The following MACROD2 variants were observed in gnomAD, a reference collection of about 807,000 sequenced individuals.
The protein encoded by MACROD2 is mono-ADP ribosylhydrolase 2.
MACROD2 carries 36 observed loss-of-function variants against 70.4 expected under a neutral mutation model. The ratio of observed to expected loss-of-function variants is 0.51; its 90% CI spans 0.39 to 0.68. The LOEUF (loss-of-function observed/expected upper bound fraction) is 0.68. Ranked by LOEUF, MACROD2 falls within the 30% of genes least tolerant of loss-of-function variation. The pLI is 0.00. For synonymous variants in MACROD2, 172 were observed against 178.8 expected, an observed-to-expected ratio of 0.96 and a Z score of 0.30; for missense variants, 496 against 538.4, an observed-to-expected ratio of 0.92 and a Z score of 0.78.
chr20:15,259,477 A>C (rs564761423), intron 6 of MACROD2, among the ~76,000 whole-genome samples: 40 of 152,158 alleles, frequency 2.6e-4, no homozygotes, highest in African/African-American at 9.2e-4. Flanking sequence ...TATGAGAGAC[A>C]TTACTTTATA....
At chr20:15,596,077 T>C (rs983225999) in intron 8 of MACROD2, among the ~76,000 whole-genome samples, 6 of 152,242 alleles carry the variant, frequency 3.9e-5, no homozygotes, top group Non-Finnish European at 8.8e-5. Context: ...AGAACCATGA[T>C]ACATGTACCC....
chr20:15,781,220 T>C (rs1333437845), intron 8 of MACROD2, among the ~76,000 whole-genome samples: 1 of 152,132 alleles, frequency 6.6e-6, no homozygotes, highest in African/African-American at 2.4e-5. Context: ...CACAGCTGTA[T>C]AGCAATTGCT....
intron 3 of MACROD2, among the ~76,000 whole-genome samples, chr20:14,281,758 A>C (rs1028921368): frequency 4.6e-5 from 7 of 151,934 alleles, no homozygotes; most frequent in African/African-American, 1.7e-4. Flanking sequence ...AAAATGGTGA[A>C]ACCCTGTCTC....
chr20:15,227,828 T>TTTTTG (rs1291949672), intron 5 of MACROD2, among the ~76,000 whole-genome samples: 3 of 113,108 alleles, frequency 2.7e-5, no homozygotes, highest in Non-Finnish European at 5.7e-5. Context: ...CACCTGTTTT[T>TTTTTG]TTTTTTTTTT....
chr20:15,214,270 G>A (rs1285593443), intron 5 of MACROD2, among the ~76,000 whole-genome samples: 4 of 152,138 alleles, frequency 2.6e-5, no homozygotes, highest in African/African-American at 9.7e-5. Flanking sequence ...AGCAACTGCT[G>A]AGGTTTGGCA....
intron 3 of MACROD2, among the ~76,000 whole-genome samples, chr20:14,310,980 G>T (rs1405460551): frequency 6.6e-6 from 1 of 152,174 alleles, no homozygotes; most frequent in Non-Finnish European, 1.5e-5. Flanking sequence ...AAGTCAAAAT[G>T]TTGAAAAAAT....
chr20:16,002,304 C>T (rs2066720432), intron 15 of MACROD2, among the ~76,000 whole-genome samples: 1 of 152,068 alleles, frequency 6.6e-6, no homozygotes, highest in African/African-American at 2.4e-5. Flanking sequence ...GAACAATGGT[C>T]CCCCAAAGGT....
chr20:15,021,125 T>TGC lies in MACROD2; in HGVS notation c.419-208814_419-208813insCG, dbSNP rs1475969151. On this transcript the variant is annotated intron_variant, in intron 5 of 17. Transcript: ENST00000684519. ...ATACACGTGTATGTGTATACACGTG[T>TGC]GTATACACATACGTGTGTGTATACA... is the stretch of plus-strand genomic sequence containing the variant. 2.1e-5 allele frequency among the ~76,000 whole-genome samples: 2 copies of TGC among 96,530 alleles called. 1 individual carries two copies. Among genetic ancestry groups the TGC allele is most frequent in the East Asian group, 4.9e-4 (2 of 4,088 alleles). 63.3% of individuals were successfully genotyped at this position (96,530 alleles called of 152,430 possible).
chr20:15,848,596 T>C (rs1359388170), intron 8 of MACROD2, among the ~76,000 whole-genome samples: 2 of 152,178 alleles, frequency 1.3e-5, no homozygotes, highest in Admixed American at 1.3e-4. Context: ...AAGCACTTAA[T>C]TAATTGATAA....
At chr20:14,653,977 T>G (rs1164553743) in intron 4 of MACROD2, among the ~76,000 whole-genome samples, 1 of 152,130 alleles carries the variant, frequency 6.6e-6, no homozygotes, top group African/African-American at 2.4e-5. Context: ...CATTTCTTTG[T>G]CCCCTTCTAG....
chr20:14,729,049 A>G (rs1478774627), intron 5 of MACROD2, among the ~76,000 whole-genome samples: 1 of 152,138 alleles, frequency 6.6e-6, no homozygotes, highest in African/African-American at 2.4e-5. Context: ...AGGATTTTCT[A>G]ATGAAAATAG....
intron 2 of MACROD2, among the ~76,000 whole-genome samples, chr20:14,036,577 A>T (rs573799695): frequency 5.3e-5 from 8 of 152,340 alleles, no homozygotes; most frequent in South Asian, 2.1e-4. Flanking sequence ...TACAAAGGTA[A>T]CTTTGCCTTT....
intron 5 of MACROD2, among the ~76,000 whole-genome samples, chr20:15,086,300 C>T (rs1240177144): frequency 1.3e-5 from 2 of 152,148 alleles, no homozygotes; most frequent in Non-Finnish European, 2.9e-5. Flanking sequence ...ATTGAATACA[C>T]ACTATGTATG....
intron 5 of MACROD2, among the ~76,000 whole-genome samples, chr20:14,857,735 T>A (rs1368335028): frequency 6.6e-6 from 1 of 152,188 alleles, no homozygotes; most frequent in Non-Finnish European, 1.5e-5. Context: ...TTAAGTTCAA[T>A]AAAATTAAAC....
chr20:14,986,477 A>G (rs1039710125), intron 5 of MACROD2, among the ~76,000 whole-genome samples: 1 of 152,134 alleles, frequency 6.6e-6, no homozygotes, highest in East Asian at 1.9e-4. Context: ...TTCAAATCAC[A>G]TATTAGCCAA....
At chr20:14,162,620 AC>A (rs1200377677) in intron 3 of MACROD2, among the ~76,000 whole-genome samples, 3 of 151,760 alleles carry the variant, frequency 2.0e-5, no homozygotes, top group Admixed American at 6.6e-5. Context: ...TATAATGATG[AC>A]CTTTTTTTTT....
intron 5 of MACROD2, among the ~76,000 whole-genome samples, chr20:14,745,468 A>G (rs928581943): frequency 5.3e-5 from 8 of 152,130 alleles, no homozygotes; most frequent in East Asian, 1.9e-4. Context: ...GCCTCAGAAC[A>G]TTTCCCTAGG....
intron 8 of MACROD2, among the ~76,000 whole-genome samples, chr20:15,719,993 G>T: frequency 6.6e-6 from 1 of 151,956 alleles, no homozygotes; most frequent in Non-Finnish European, 1.5e-5. Context: ...CACTATTCTA[G>T]TCACTACTTT....
At chr20:15,326,722 A>T (rs762307044) in intron 6 of MACROD2, among the ~76,000 whole-genome samples, 1 of 152,120 alleles carries the variant, frequency 6.6e-6, no homozygotes, top group Non-Finnish European at 1.5e-5. Flanking sequence ...CACAAAGATG[A>T]TGCCTCTCCC....
Sources: allele counts gnomAD v4.1 joint callset (sites outside exome capture counted in the v4.1 genomes callset), GRCh38; gene constraint gnomAD v4.1.1; transcripts MANE v1.5; gene names NCBI Gene and HGNC (gene_info 2026-07-23, HGNC 2026-07-21).